TYW1B: variants seen among roughly 807,000 people sequenced by gnomAD.
TYW1B encodes the protein S-adenosyl-L-methionine-dependent tRNA 4-demethylwyosine synthase TYW1B.
TYW1B carries 73 observed loss-of-function variants against 86.9 expected under a neutral mutation model. The ratio of observed to expected loss-of-function variants is 0.84; its 90% confidence interval spans 0.70 to 1.02. The LOEUF is 1.02. Ranked by LOEUF, TYW1B falls within the 50% of genes least tolerant of loss-of-function variation. The pLI is 0.00. For missense variants in TYW1B, 637 were observed against 827.4 expected (o/e 0.77, Z 2.82); for synonymous variants, 248 against 292.8 (o/e 0.85, Z 1.56).
intron 6 of TYW1B, among the ~76,000 whole-genome samples, chr7:72,785,286 T>C (rs1181605822): frequency 1.3e-5 from 2 of 148,470 alleles, no homozygotes; most frequent in Admixed American, 1.4e-4. Context: ...ATTATTATAG[T>C]TAATATATTC....
At chr7:72,705,366 G>C (rs1404520963) in intron 10 of TYW1B, among the ~76,000 whole-genome samples, 2 of 152,234 alleles carry the variant, frequency 1.3e-5, no homozygotes, top group South Asian at 2.1e-4. Flanking sequence ...AGAAGCAGCA[G>C]AGGAAAGAGA....
chr7:72,806,658 T>C (rs112779172), intron 5 of TYW1B, among the ~76,000 whole-genome samples: 3 of 151,942 alleles, frequency 2.0e-5, no homozygotes, highest in African/African-American at 7.2e-5. Flanking sequence ...ATTTTTTCTG[T>C]CTTTGTTTTT....
At chr7:72,824,150 CAAGT>C (rs1554481043) in intron 2 of TYW1B, among the ~76,000 whole-genome samples, 1 of 152,038 alleles carries the variant, frequency 6.6e-6, no homozygotes, top group Non-Finnish European at 1.5e-5. Context: ...TATCTGCACT[CAAGT>C]AGTGAAAACC....
chr7:72,788,521 CTTTGTTTTGTTTGT>C (rs1327981784), intron 6 of TYW1B, among the ~76,000 whole-genome samples: 1 of 151,984 alleles, frequency 6.6e-6, no homozygotes, highest in Non-Finnish European at 1.5e-5. Flanking sequence ...TGAGTATTTC[CTTTGTTTTGTTTGT>C]TTTGTTTTGT....
chr7:72,652,511 T>C lies in TYW1B; in HGVS notation c.1507-23514A>G, dbSNP rs555716421. On this transcript the variant is annotated intron_variant, in intron 11 of 13. Transcript: ENST00000620995. ...ATAGACATAATGCTACTAAAGAAGCTAGTCAAAATAAAAGACTATATTGAA... is the reference window on the plus strand; with the variant it reads ...ATAGACATAATGCTACTAAAGAAGCCAGTCAAAATAAAAGACTATATTGAA... 6.6e-5 allele frequency among the ~76,000 whole-genome samples: 10 copies of C among 151,420 alleles called. No homozygotes were observed. The East Asian group carries it at 2.0e-3, about 30-fold the overall frequency.
At chr7:72,697,876 C>T (rs1348325785) in intron 10 of TYW1B, 1 of 152,898 alleles carries the variant, frequency 6.5e-6, no homozygotes, top group Non-Finnish European at 1.5e-5. Context: ...TGCTGATGAA[C>T]ATAAAAATCC....
chr7:72,639,417 T>C lies in TYW1B; in HGVS notation c.1507-10420A>G, dbSNP rs572494120. ...CCTGGACTCAAGTGATCCTCCTACC[T>C]TGAACTCCCAAAGTGCTGGGATTAC... On this transcript the variant is annotated intron_variant, in intron 11 of 13. Coordinates refer to ENST00000620995, the MANE Select transcript of TYW1B (RefSeq NM_001145440.3). Among the ~76,000 whole-genome samples, 53 of 152,190 alleles carry C rather than the reference T, an allele frequency of 3.5e-4. No homozygotes were observed. In the South Asian group the frequency reaches 1.0e-2, roughly 29 times the overall value.
intron 6 of TYW1B, among the ~76,000 whole-genome samples, chr7:72,786,293 T>A (rs1239719469): frequency 1.3e-5 from 2 of 152,112 alleles, no homozygotes; most frequent in Non-Finnish European, 2.9e-5. Context: ...TGTGTCATAC[T>A]AAAATTGGGA....
In TYW1B at chr7:72,574,558, C is replaced by T. The variant is rs1810975260; in HGVS notation, c.*940G>A. 6 of 982,034 alleles carry T rather than the reference C, an allele frequency of 6.1e-6. No individual in the cohort carries two copies. Among genetic ancestry groups the T allele is most frequent in the Non-Finnish European group, 6.0e-6 (5 of 826,882 alleles). The allele number at this position is 982,034 out of a possible 1,614,324, so 60.8% of individuals were successfully genotyped here. The stretch of plus-strand genomic sequence containing the variant: ...ATTAATTCAATTTTTGCATAAAAGA[C>T]TGTTAAAAGAATTTGCTAACTTGAA... On this transcript the variant is annotated 3_prime_UTR_variant, in exon 14 of 14. Coordinates refer to ENST00000620995, the MANE Select transcript of TYW1B (RefSeq NM_001145440.3).
chr7:72,655,203 A>C (rs1813169808), intron 11 of TYW1B, among the ~76,000 whole-genome samples: 1 of 152,136 alleles, frequency 6.6e-6, no homozygotes, highest in Admixed American at 6.5e-5. Context: ...AAGACACAGA[A>C]GGAGAGGGGA....
intron 10 of TYW1B, among the ~76,000 whole-genome samples, chr7:72,700,102 A>G (rs1814426149): frequency 6.8e-6 from 1 of 146,638 alleles, no homozygotes; most frequent in African/African-American, 2.5e-5. Context: ...ATGGGATAAG[A>G]GATTGTGAAC....
chr7:72,758,691 G>C (rs1787637238), intron 7 of TYW1B, among the ~76,000 whole-genome samples: 1 of 152,140 alleles, frequency 6.6e-6, no homozygotes, highest in Non-Finnish European at 1.5e-5. Flanking sequence ...TATTTGGAAT[G>C]TGGTTTGGAT....
intron 11 of TYW1B, among the ~76,000 whole-genome samples, chr7:72,662,361 T>A (rs1257412657): frequency 5.3e-5 from 8 of 152,132 alleles, no homozygotes; most frequent in Admixed American, 5.2e-4. Context: ...CATCTCGTGA[T>A]GTGGTTCACG....
intron 6 of TYW1B, among the ~76,000 whole-genome samples, chr7:72,786,759 G>A (rs547558199): frequency 6.6e-6 from 1 of 151,908 alleles, no homozygotes; most frequent in East Asian, 1.9e-4. Flanking sequence ...ATTTTTTGTA[G>A]AGACAGGGTT....
intron 6 of TYW1B, among the ~76,000 whole-genome samples, chr7:72,791,289 T>C (rs1302156724): frequency 6.6e-6 from 1 of 151,996 alleles, no homozygotes; most frequent in Non-Finnish European, 1.5e-5. Context: ...CAAATGTCTA[T>C]TCCCTGGAGC....
At chr7:72,821,008 T>C (rs1190062659) in intron 2 of TYW1B, among the ~76,000 whole-genome samples, 7 of 152,238 alleles carry the variant, frequency 4.6e-5, no homozygotes, top group African/African-American at 1.7e-4. Flanking sequence ...GGTTTCACTC[T>C]GTCCCCCAGG....
Position 72,640,602 on chromosome 7 carries a change from G to A in TYW1B, c.1507-11605C>T, listed in dbSNP as rs368599737. ...GTGAGAAGGGCATTATAAAAAGGCC[G>A]ATTCACCAAAAATATGTAACAATTC... On this transcript the variant is annotated intron_variant, in intron 11 of 13. Transcript: ENST00000620995. 5.9e-5 allele frequency among the ~76,000 whole-genome samples: 9 copies of A among 151,400 alleles called. No homozygotes were observed. In the East Asian group the frequency reaches 1.2e-3, roughly 20 times the overall value.
At chr7:72,707,336 TG>T (rs1814637926) in intron 10 of TYW1B, among the ~76,000 whole-genome samples, 1 of 152,244 alleles carries the variant, frequency 6.6e-6, no homozygotes, top group South Asian at 2.1e-4. Context: ...TAGAGGCCCC[TG>T]GGCCCCAGCC....
intron 13 of TYW1B, among the ~76,000 whole-genome samples, chr7:72,579,179 G>A (rs1174920751): frequency 1.3e-5 from 2 of 152,018 alleles, no homozygotes; most frequent in Non-Finnish European, 2.9e-5. Flanking sequence ...CTTCATAAGA[G>A]AACTGCTGGC....
Sources: allele counts gnomAD v4.1 joint callset (sites outside exome capture counted in the v4.1 genomes callset), GRCh38; gene constraint gnomAD v4.1.1; transcripts MANE v1.5; gene names NCBI Gene and HGNC (gene_info 2026-07-23, HGNC 2026-07-21).